CSMD1: variants seen among roughly 807,000 people sequenced by gnomAD.
CSMD1 encodes the protein CUB and Sushi multiple domains 1.
A neutral mutation model predicts 417.5 loss-of-function variants in CSMD1; 213 were observed. That is an observed-to-expected ratio of 0.51 (90% CI 0.46 to 0.57). The LOEUF (loss-of-function observed/expected upper bound fraction) is 0.57. Ranked by LOEUF, CSMD1 falls within the 20% of genes least tolerant of loss-of-function variation. CSMD1 has a pLI of 0.00. For missense variants in CSMD1, 6,923 were observed against 4,529.7 expected (o/e 1.53, Z -15.17); for synonymous variants, 2,862 against 1,736.8 (o/e 1.65, Z -16.11).
chr8:3,304,829 C>T (rs753878942), intron 25 of CSMD1, among the ~76,000 whole-genome samples: 1 of 151,800 alleles, frequency 6.6e-6, no homozygotes, highest in Admixed American at 6.6e-5. Context: ...ACAATGCTCA[C>T]TCTAATTAAT....
At chr8:4,465,755 T>A (rs1163981346) in intron 2 of CSMD1, among the ~76,000 whole-genome samples, 1 of 151,618 alleles carries the variant, frequency 6.6e-6, no homozygotes, top group African/African-American at 2.4e-5. Flanking sequence ...TTGTAGGTCA[T>A]CTATTATTTT....
intron 10 of CSMD1, among the ~76,000 whole-genome samples, chr8:3,529,610 C>G (rs1277722230): frequency 6.6e-6 from 1 of 152,180 alleles, no homozygotes; most frequent in East Asian, 1.9e-4. Context: ...CTTCTGACGC[C>G]TAGTTCGTGA....
chr8:4,764,273 T>C (rs1223914488), intron 1 of CSMD1, among the ~76,000 whole-genome samples: 1 of 152,202 alleles, frequency 6.6e-6, no homozygotes, highest in Non-Finnish European at 1.5e-5. Flanking sequence ...TCTATAATAT[T>C]GGGGGTAGAG....
rs532233557 is a variant in CSMD1, at chr8:3,506,125, G to A, written c.1345-12399C>T. Among the ~76,000 whole-genome samples the A allele has an allele frequency of 2.0e-5, 3 of 152,298 alleles. No individual in the cohort carries two copies. The East Asian group carries it at 5.8e-4, about 29-fold the overall frequency. On this transcript the variant is annotated intron_variant, in intron 10 of 69. Transcript: ENST00000635120. Reference sequence around the variant, plus strand: ...GTGTCTCATCGGAGGCCAGGTGATAGGTGCGGCGGCCAGCAGAGGAAGTGC... The same window carrying A: ...GTGTCTCATCGGAGGCCAGGTGATAAGTGCGGCGGCCAGCAGAGGAAGTGC...
chr8:4,033,799 C>A (rs532540239), intron 3 of CSMD1, among the ~76,000 whole-genome samples: 20 of 152,270 alleles, frequency 1.3e-4, no homozygotes, highest in African/African-American at 4.6e-4. Context: ...GATTCTCTAT[C>A]TAAATCAATT....
chr8:4,848,801 T>A (rs745963097), intron 1 of CSMD1, among the ~76,000 whole-genome samples: 1 of 152,168 alleles, frequency 6.6e-6, no homozygotes, highest in Non-Finnish European at 1.5e-5. Flanking sequence ...GTCTCAGCCT[T>A]CCAAAGTGCT....
chr8:3,300,929 A>C (rs911741947), intron 25 of CSMD1, among the ~76,000 whole-genome samples: 1 of 132,876 alleles, frequency 7.5e-6, no homozygotes, highest in Non-Finnish European at 1.6e-5. Context: ...ACCGCACTCC[A>C]GCCTGGACAA....
chr8:3,235,892 T>C (rs1585741245), intron 26 of CSMD1, among the ~76,000 whole-genome samples: 1 of 151,570 alleles, frequency 6.6e-6, no homozygotes, highest in Admixed American at 6.6e-5. Flanking sequence ...AGCTCGAGTT[T>C]ATGCCAGTTA....
intron 25 of CSMD1, among the ~76,000 whole-genome samples, chr8:3,290,861 T>C (rs983333351): frequency 5.9e-5 from 9 of 151,826 alleles, no homozygotes; most frequent in Non-Finnish European, 1.3e-4. Flanking sequence ...TCCAACACTA[T>C]ATTGAATAGG....
intron 1 of CSMD1, among the ~76,000 whole-genome samples, chr8:4,760,946 A>G (rs1407130569): frequency 6.6e-6 from 1 of 152,104 alleles, no homozygotes; most frequent in Non-Finnish European, 1.5e-5. Flanking sequence ...TAATTTATTG[A>G]CTTATTTCAG....
intron 3 of CSMD1, among the ~76,000 whole-genome samples, chr8:4,171,136 T>G (rs1797740822): frequency 1.3e-5 from 2 of 151,856 alleles, no homozygotes; most frequent in Admixed American, 6.5e-5. Flanking sequence ...GAGGTATCCA[T>G]GCTCCTGCTT....
At chr8:3,089,818 A>C (rs1814809590) in intron 48 of CSMD1, among the ~76,000 whole-genome samples, 1 of 152,204 alleles carries the variant, frequency 6.6e-6, no homozygotes, top group African/African-American at 2.4e-5. Context: ...ACAGTTTAAC[A>C]ATGAGGCTCT....
chr8:3,938,608 C>G (rs1465086758), intron 5 of CSMD1, among the ~76,000 whole-genome samples: 1 of 151,992 alleles, frequency 6.6e-6, no homozygotes. Flanking sequence ...GCTGTAGACC[C>G]CGAATAAGGG....
intron 5 of CSMD1, among the ~76,000 whole-genome samples, chr8:3,888,232 A>T (rs1257353384): frequency 6.6e-6 from 1 of 152,200 alleles, no homozygotes; most frequent in Non-Finnish European, 1.5e-5. Context: ...AAGTTAGAGG[A>T]ATAAGCAAAA....
chr8:3,306,147 TGTTAAGTTATAGGGTTGCA>T (rs1563251592), intron 25 of CSMD1, among the ~76,000 whole-genome samples: 4 of 152,082 alleles, frequency 2.6e-5, no homozygotes, highest in Non-Finnish European at 5.9e-5. Context: ...ATTTTATTTT[TGTTAAGTTATAGGGTTGCA>T]GTGAAGTAAG....
intron 1 of CSMD1, among the ~76,000 whole-genome samples, chr8:4,902,925 T>C (rs1335759286): frequency 2.0e-5 from 3 of 150,950 alleles, no homozygotes; most frequent in Non-Finnish European, 4.4e-5. Flanking sequence ...AACCTAAACT[T>C]ATTTAGCACA....
intron 26 of CSMD1, among the ~76,000 whole-genome samples, chr8:3,268,439 C>T (rs1311924491): frequency 6.6e-6 from 1 of 151,778 alleles, no homozygotes; most frequent in Non-Finnish European, 1.5e-5. Context: ...CAGGTGCCCG[C>T]CACCACGCCC....
At chr8:3,727,314 C>G (rs1036967044) in intron 6 of CSMD1, among the ~76,000 whole-genome samples, 3 of 152,200 alleles carry the variant, frequency 2.0e-5, no homozygotes, top group African/African-American at 7.2e-5. Context: ...TGCAGAGCCT[C>G]CCGCCTGAAC....
At chr8:4,452,484 C>A (rs905614822) in intron 2 of CSMD1, among the ~76,000 whole-genome samples, 6 of 152,298 alleles carry the variant, frequency 3.9e-5, no homozygotes, top group Admixed American at 1.3e-4. Flanking sequence ...TTGAGCAAAC[C>A]ATGACCTGCT....
Sources: allele counts gnomAD v4.1 joint callset (sites outside exome capture counted in the v4.1 genomes callset), GRCh38; gene constraint gnomAD v4.1.1; transcripts MANE v1.5; gene names NCBI Gene and HGNC (gene_info 2026-07-23, HGNC 2026-07-21).